NPTN: variants seen among roughly 807,000 people sequenced by gnomAD.
NPTN encodes the protein neuroplastin, also known as SDR-1.
In NPTN, 5 loss-of-function variants were observed where a neutral mutation model predicts 42.7. The ratio of observed to expected loss-of-function variants is 0.12; its 90% CI spans 0.06 to 0.25. The LOEUF (loss-of-function observed/expected upper bound fraction) is 0.25, where lower values mean the gene tolerates loss of function less well. Among genes scored for constraint, NPTN ranks in the 10% least tolerant of loss-of-function variants. The pLI is 1.00. For missense variants in NPTN, 307 were observed against 525.4 expected (o/e 0.58, Z 4.06); for synonymous variants, 180 against 201.9 (o/e 0.89, Z 0.92).
rs1327345399 is a variant in NPTN, at chr15:73,561,914, T to A, written c.1193A>T (p.Asn398Ile). Residue 398 changes from asparagine (N) to isoleucine (I), a missense_variant, in exon 8 of 9, where the codon AAT becomes ATT. Transcript: ENST00000345330. ...KDKNLRQRNTN is the reference protein window; with the variant it reads ...KDKNLRQRNTI ...TACTTACATTGTAAGCAGTACTTAA[T>A]TTGTGTTTCTCTGGCGCAAGTTTTT... The A allele has an allele frequency of 3.1e-6, 5 of 1,597,948 alleles. No individual in the cohort carries two copies. The African/African-American group carries it at 6.8e-5, about 22-fold the overall frequency.
intron 1 of NPTN, among the ~76,000 whole-genome samples, chr15:73,625,105 A>G (rs887018990): frequency 1.3e-5 from 2 of 152,238 alleles, no homozygotes; most frequent in Non-Finnish European, 2.9e-5. Flanking sequence ...CATGTAAAAA[A>G]TAAACAAAAG....
intron 1 of NPTN, among the ~76,000 whole-genome samples, chr15:73,600,473 C>T (rs1019362001): frequency 1.3e-5 from 2 of 152,026 alleles, no homozygotes; most frequent in Non-Finnish European, 2.9e-5. Flanking sequence ...TGATAAGTGC[C>T]ATTATAATTT....
chr15:73,606,116 A>T (rs1897286531), intron 1 of NPTN, among the ~76,000 whole-genome samples: 1 of 152,188 alleles, frequency 6.6e-6, no homozygotes, highest in African/African-American at 2.4e-5. Context: ...TACTCAGGTA[A>T]ACAGCTTCAT....
intron 1 of NPTN, among the ~76,000 whole-genome samples, chr15:73,624,738 T>A (rs1316244253): frequency 2.6e-5 from 4 of 152,226 alleles, no homozygotes; most frequent in African/African-American, 9.6e-5. Context: ...AACAGAAATG[T>A]GCCTCAGACT....
chr15:73,573,097 A>G (rs1895500318), intron 5 of NPTN, among the ~76,000 whole-genome samples: 1 of 152,156 alleles, frequency 6.6e-6, no homozygotes. Context: ...ATAAACAGCA[A>G]CTGCAGTCTA....
chr15:73,628,140 C>G (rs1279490416), intron 1 of NPTN, among the ~76,000 whole-genome samples: 1 of 152,170 alleles, frequency 6.6e-6, no homozygotes, highest in Non-Finnish European at 1.5e-5. Context: ...AAGAGGCATA[C>G]TGAAAGCTAA....
intron 5 of NPTN, among the ~76,000 whole-genome samples, chr15:73,572,573 G>A (rs1895471179): frequency 1.3e-5 from 2 of 152,048 alleles, no homozygotes; most frequent in Non-Finnish European, 2.9e-5. Context: ...GTTCTGTGTT[G>A]CAGGAATGTA....
chr15:73,560,897 C>T lies in NPTN; in HGVS notation c.*166G>A, dbSNP rs1401231837. 6.6e-6 allele frequency: 1 copy of T among 152,042 alleles called. No homozygotes were observed. Among genetic ancestry groups the T allele is most frequent in the Non-Finnish European group, 1.5e-5 (1 of 67,940 alleles). The allele number at this position is 152,042 out of a possible 1,614,324, so 9.4% of individuals were successfully genotyped here. A position where few individuals can be genotyped will look rare whatever the true frequency, so the allele number is the denominator to read the frequency against. ...ACACTGAAGCATTGTTTAAAATGTACCTGGCTAGATCACCCTTACAGGAGA... is the reference window on the plus strand; with the variant it reads ...ACACTGAAGCATTGTTTAAAATGTATCTGGCTAGATCACCCTTACAGGAGA... On this transcript the variant is annotated 3_prime_UTR_variant, in exon 9 of 9. Transcript: ENST00000345330.
intron 6 of NPTN, chr15:73,567,555 G>A: frequency 1.0e-6 from 1 of 985,346 alleles, no homozygotes; most frequent in African/African-American, 1.7e-5. Context: ...GAGTGCACAG[G>A]GGTTGAGGGG....
At chr15:73,618,463 A>T (rs1897969208) in intron 1 of NPTN, among the ~76,000 whole-genome samples, 1 of 152,252 alleles carries the variant, frequency 6.6e-6, no homozygotes, top group Non-Finnish European at 1.5e-5. Context: ...AATAGAATTT[A>T]AAAATTTTAA....
At chr15:73,578,012 C>T (rs1164786613) in intron 4 of NPTN, among the ~76,000 whole-genome samples, 2 of 152,130 alleles carry the variant, frequency 1.3e-5, no homozygotes, top group Admixed American at 1.3e-4. Context: ...AGGAAGAACA[C>T]TCTAGGTCGA....
At chr15:73,565,485 C>T (rs763926986) in intron 6 of NPTN, among the ~76,000 whole-genome samples, 11 of 152,146 alleles carry the variant, frequency 7.2e-5, no homozygotes, top group South Asian at 2.1e-4. Context: ...AACTGTGCAT[C>T]GTATAGACTG....
chr15:73,573,647 C>A lies in NPTN; in HGVS notation c.840+15G>T. 1 of 1,549,486 alleles carries A rather than the reference C, an allele frequency of 6.5e-7. No homozygotes were observed. Among genetic ancestry groups the A allele is most frequent in the Middle Eastern group, 2.2e-4 (1 of 4,588 alleles). On this transcript the variant is annotated intron_variant, in intron 5 of 8. Coordinates refer to ENST00000345330, the MANE Select transcript of NPTN (RefSeq NM_012428.4). ...AACTCCAGCAACCAGAGACCCGGGC[C>A]TGCCTCCTACTCACCATGGGCATCC...
At chr15:73,607,557 C>T (rs1897348987) in intron 1 of NPTN, among the ~76,000 whole-genome samples, 1 of 152,122 alleles carries the variant, frequency 6.6e-6, no homozygotes, top group South Asian at 2.1e-4. Flanking sequence ...TTTTTTTAAA[C>T]AGCCATTCTC....
At chr15:73,580,625 A>C (rs1895991877) in intron 4 of NPTN, among the ~76,000 whole-genome samples, 2 of 146,226 alleles carry the variant, frequency 1.4e-5, no homozygotes, top group African/African-American at 5.0e-5. Flanking sequence ...TTATATATGT[A>C]TATATGTATA....
In NPTN at chr15:73,570,111, A is replaced by G. The variant is rs1895281364; in HGVS notation, c.1114+39T>C. 6.4e-7 allele frequency: 1 copy of G among 1,551,608 alleles called. No homozygotes were observed. The highest frequency in any genetic ancestry group is 1.9e-5 in the Admixed American group (1 of 52,876). ...TACTTGGAAACCACCCGAAGGAACC[A>G]ACCCCAGCAGTACAGCTATTTTGTA... On this transcript the variant is annotated intron_variant, in intron 6 of 8. Transcript: ENST00000345330. The surrounding 1 kb of genome is among the most constrained non-coding windows in gnomAD (Gnocchi z 4.0).
intron 8 of NPTN, among the ~76,000 whole-genome samples, chr15:73,561,430 G>A (rs1409066790): frequency 6.6e-6 from 1 of 152,230 alleles, no homozygotes; most frequent in Admixed American, 6.5e-5. Flanking sequence ...TGTAATCCCA[G>A]CACTTCTGGG....
At chr15:73,630,023 C>T (rs1898649672) in intron 1 of NPTN, among the ~76,000 whole-genome samples, 1 of 152,048 alleles carries the variant, frequency 6.6e-6, no homozygotes, top group Non-Finnish European at 1.5e-5. Flanking sequence ...ATGACAGCAG[C>T]ATTAACAATC....
chr15:73,585,712 G>A (rs1015913733), intron 4 of NPTN, among the ~76,000 whole-genome samples: 1 of 152,168 alleles, frequency 6.6e-6, no homozygotes, highest in South Asian at 2.1e-4. Flanking sequence ...TATGGTTTAA[G>A]ATATTTATAA....
Sources: allele counts gnomAD v4.1 joint callset (sites outside exome capture counted in the v4.1 genomes callset), GRCh38; gene constraint gnomAD v4.1.1; non-coding constraint Gnocchi (gnomAD v3.1); transcripts MANE v1.5; gene names NCBI Gene and HGNC (gene_info 2026-07-23, HGNC 2026-07-21).